Variants in ELOVL5 observed in about 807,000 individuals in gnomAD.
ELOVL5 encodes the protein very long chain fatty acid elongase 5.
A neutral mutation model predicts 38.6 loss-of-function variants in ELOVL5; 8 were observed. The observed-to-expected ratio is 0.21, with a 90% CI of 0.12 to 0.37. The LOEUF (loss-of-function observed/expected upper bound fraction) is 0.37. ELOVL5 is among the 10% of genes least tolerant of loss of function. The pLI is 1.00. For synonymous variants in ELOVL5, 127 were observed against 133.7 expected (o/e 0.95, Z 0.34); for missense variants, 280 against 367.8 (o/e 0.76, Z 1.95).
intron 1 of ELOVL5, among the ~76,000 whole-genome samples, chr6:53,323,669 G>A (rs1196649336): frequency 1.6e-5 from 2 of 125,644 alleles, no homozygotes; most frequent in Non-Finnish European, 1.6e-5. Context: ...CGCAACCTCC[G>A]CCTCCCGAGT....
intron 3 of ELOVL5, chr6:53,277,162 A>G (rs1766171890): frequency 6.5e-6 from 1 of 153,738 alleles, no homozygotes; most frequent in African/African-American, 2.4e-5. Context: ...ACAAGAGGTG[A>G]TTACAAGGAT....
chr6:53,276,098 T>C (rs1766105644), intron 4 of ELOVL5, 81 bp downstream of exon 4: 25 of 956,886 alleles, frequency 2.6e-5, no homozygotes, highest in Non-Finnish European at 3.7e-5. Context: ...AGTGAGGTTA[T>C]GGGCCATTTT....
chr6:53,279,274 G>A (rs1323405340), intron 3 of ELOVL5, among the ~76,000 whole-genome samples: 2 of 152,108 alleles, frequency 1.3e-5, no homozygotes, highest in Admixed American at 1.3e-4. Flanking sequence ...CAACTAGAAT[G>A]CCCTCTGCAC....
At chr6:53,345,224 A>G (rs1769487004) in intron 1 of ELOVL5, among the ~76,000 whole-genome samples, 1 of 152,156 alleles carries the variant, frequency 6.6e-6, no homozygotes, top group Non-Finnish European at 1.5e-5. Context: ...TCATCTTGGA[A>G]AATCAGTCTA....
At chr6:53,298,904 G>GA (rs1012621246) in intron 1 of ELOVL5, among the ~76,000 whole-genome samples, 10 of 149,642 alleles carry the variant, frequency 6.7e-5, no homozygotes, top group Admixed American at 1.3e-4. Context: ...GCAAGGCGGG[G>GA]GGGGGGAGTT....
intron 3 of ELOVL5, among the ~76,000 whole-genome samples, chr6:53,279,490 C>T (rs1018743076): frequency 2.0e-5 from 3 of 152,116 alleles, no homozygotes; most frequent in East Asian, 3.9e-4. Flanking sequence ...TGTAAGATTT[C>T]GAAGGGTGGT....
At chr6:53,294,382 C>G (rs1158443883) in intron 2 of ELOVL5, 1 of 1,560,130 alleles carries the variant, frequency 6.4e-7, no homozygotes, top group African/African-American at 1.4e-5. Context: ...TAAAACCACA[C>G]AAATGAAACA....
intron 3 of ELOVL5, among the ~76,000 whole-genome samples, chr6:53,287,324 G>T (rs1419303250): frequency 6.6e-6 from 1 of 152,146 alleles, no homozygotes; most frequent in Non-Finnish European, 1.5e-5. Flanking sequence ...TTGAAAATGT[G>T]GTTCCGACAT....
rs140131369 is a variant in ELOVL5 at position 53,268,255 on chromosome 6, T to C, written c.*872A>G. ...ATAGGCAATCATCTCTCTTGAAAAG[T>C]ATACATCCTCTCTCGCACTGGTGGA... On this transcript the variant is annotated 3_prime_UTR_variant, in exon 8 of 8. Transcript: ENST00000304434. 4.6e-5 allele frequency: 7 copies of C among 152,314 alleles called. No homozygotes were observed. In the East Asian group the frequency reaches 1.3e-3, roughly 29 times the overall value. 9.4% of individuals were successfully genotyped at this position (152,314 alleles called of 1,614,324 possible).
At chr6:53,288,175 C>T (rs1461991307) in intron 3 of ELOVL5, among the ~76,000 whole-genome samples, 2 of 152,072 alleles carry the variant, frequency 1.3e-5, no homozygotes, top group African/African-American at 2.4e-5. Context: ...GGAAAGCCAC[C>T]GTTTGGCACC....
At chr6:53,305,380 AC>A (rs780282202) in intron 1 of ELOVL5, among the ~76,000 whole-genome samples, 49,080 of 99,948 alleles carry the variant, frequency 0.49, 12,273 homozygotes, top group African/African-American at 0.74. Flanking sequence ...GCGGGGGCTG[AC>A]CCCCCCCCAC....
intron 1 of ELOVL5, among the ~76,000 whole-genome samples, chr6:53,320,334 A>G (rs1165911749): frequency 6.6e-6 from 1 of 150,728 alleles, no homozygotes; most frequent in Non-Finnish European, 1.5e-5. Context: ...ACAACCCCAC[A>G]TTTCTTTTTT....
At chr6:53,335,228 C>A (rs746559267) in intron 1 of ELOVL5, among the ~76,000 whole-genome samples, 1 of 152,222 alleles carries the variant, frequency 6.6e-6, no homozygotes, top group Non-Finnish European at 1.5e-5. Flanking sequence ...TCCTCACCCC[C>A]TGAAAGCACC....
chr6:53,286,863 AT>A (rs1766592678), intron 3 of ELOVL5, among the ~76,000 whole-genome samples: 1 of 152,192 alleles, frequency 6.6e-6, no homozygotes, highest in Non-Finnish European at 1.5e-5. Context: ...ATGTATACAT[AT>A]ATATGTAGTA....
intron 4 of ELOVL5, among the ~76,000 whole-genome samples, 177 bp downstream of exon 4, chr6:53,276,002 T>C (rs1405824109): frequency 6.6e-6 from 1 of 152,284 alleles, no homozygotes; most frequent in African/African-American, 2.4e-5. Context: ...GGTTTTATTT[T>C]ATACCTTTCA....
chr6:53,314,917 GT>G (rs1204856263), intron 1 of ELOVL5, among the ~76,000 whole-genome samples: 19 of 152,274 alleles, frequency 1.2e-4, no homozygotes. Flanking sequence ...GAAAATTAAT[GT>G]AACTACAGAA....
intron 1 of ELOVL5, among the ~76,000 whole-genome samples, chr6:53,336,594 T>G (rs966515237): frequency 6.6e-6 from 1 of 152,116 alleles, no homozygotes; most frequent in Non-Finnish European, 1.5e-5. Flanking sequence ...CTGGGAAATT[T>G]GAGGCTGCAA....
At chr6:53,299,113 A>G (rs529741786) in intron 1 of ELOVL5, among the ~76,000 whole-genome samples, 31 of 152,338 alleles carry the variant, frequency 2.0e-4, no homozygotes, top group African/African-American at 6.0e-4. Context: ...TAATGGGGAA[A>G]AGGATCCAGA....
chr6:53,343,503 G>A (rs536917567), intron 1 of ELOVL5, among the ~76,000 whole-genome samples: 2 of 152,202 alleles, frequency 1.3e-5, no homozygotes, highest in African/African-American at 2.4e-5. Context: ...GTGAGCCACC[G>A]TGCCCAGCCA....
Sources: gnomAD v4.1 joint callset for allele counts (sites outside exome capture counted in the v4.1 genomes callset) on GRCh38, gnomAD v4.1.1 for gene constraint, MANE v1.5 for transcripts, NCBI Gene and HGNC (gene_info 2026-07-23, HGNC 2026-07-21) for gene names.